PSD3: variants seen among roughly 807,000 people sequenced by gnomAD.
PSD3 encodes pleckstrin and Sec7 domain containing 3.
Under a neutral mutation model 105.5 loss-of-function variants are expected in PSD3, and 49 were observed. The ratio of observed to expected loss-of-function variants is 0.46; its 90% CI spans 0.37 to 0.59. The LOEUF (loss-of-function observed/expected upper bound fraction) is 0.59. Among genes scored for constraint, PSD3 ranks in the 20% least tolerant of loss-of-function variants. The pLI, the probability that PSD3 is intolerant of heterozygous loss-of-function variation, is 0.00. For missense variants in PSD3, 1,561 were observed against 1,263.8 expected, an observed-to-expected ratio of 1.24 and a Z score of -3.57; for synonymous variants, 557 against 457.8, an observed-to-expected ratio of 1.22 and a Z score of -2.77.
At chr8:18,636,287 G>T (rs1172693979) in intron 10 of PSD3, among the ~76,000 whole-genome samples, 1 of 151,720 alleles carries the variant, frequency 6.6e-6, no homozygotes, top group Non-Finnish European at 1.5e-5. Flanking sequence ...TAACAAAAAA[G>T]TTTTTAAAAG....
intron 1 of PSD3, among the ~76,000 whole-genome samples, chr8:19,078,740 T>G (rs17127791): frequency 6.6e-6 from 1 of 151,390 alleles, no homozygotes; most frequent in African/African-American, 2.4e-5. Flanking sequence ...GATGCAGGCC[T>G]AAGAGAATTC....
chr8:18,677,465 A>G (rs1385710927), intron 9 of PSD3, among the ~76,000 whole-genome samples: 1 of 152,176 alleles, frequency 6.6e-6, no homozygotes, highest in Non-Finnish European at 1.5e-5. Context: ...GAATTGCCTG[A>G]ACCCAGGAGG....
At chr8:18,802,014 T>C (rs1016098176) in intron 6 of PSD3, among the ~76,000 whole-genome samples, 2 of 152,128 alleles carry the variant, frequency 1.3e-5, no homozygotes, top group East Asian at 1.9e-4. Context: ...ATAAAGGCTA[T>C]GTTTTAAAAC....
At chr8:18,718,345 G>C (rs553555530) in intron 9 of PSD3, among the ~76,000 whole-genome samples, 1 of 152,164 alleles carries the variant, frequency 6.6e-6, no homozygotes, top group South Asian at 2.1e-4. Flanking sequence ...TTCCCCATAG[G>C]GAATTATAAA....
At chr8:18,777,937 T>C (rs1173597405) in intron 8 of PSD3, among the ~76,000 whole-genome samples, 1 of 152,202 alleles carries the variant, frequency 6.6e-6, no homozygotes, top group Non-Finnish European at 1.5e-5. Context: ...CTCAATATAA[T>C]GAAATGTAAT....
intron 9 of PSD3, among the ~76,000 whole-genome samples, chr8:18,738,166 A>G (rs1204930030): frequency 6.6e-6 from 1 of 152,166 alleles, no homozygotes; most frequent in Non-Finnish European, 1.5e-5. Flanking sequence ...TCTACATCAC[A>G]AACTGTTACC....
At chr8:18,915,365 G>A (rs1820516840) in intron 2 of PSD3, among the ~76,000 whole-genome samples, 2 of 152,192 alleles carry the variant, frequency 1.3e-5, no homozygotes, top group South Asian at 4.2e-4. Context: ...AAACTAAAAA[G>A]CTAACACACA....
chr8:18,806,950 T>C (rs1188255445), intron 4 of PSD3, among the ~76,000 whole-genome samples: 1 of 152,210 alleles, frequency 6.6e-6, no homozygotes, highest in Non-Finnish European at 1.5e-5. Flanking sequence ...GAAAGCATCC[T>C]TAAGACAGTG....
chr8:18,707,439 T>A (rs1801969251), intron 9 of PSD3, among the ~76,000 whole-genome samples: 1 of 152,224 alleles, frequency 6.6e-6, no homozygotes, highest in Admixed American at 6.5e-5. Context: ...GGGCTTATCC[T>A]ACTTATCTTG....
chr8:18,568,359 A>C (rs1454303304), intron 14 of PSD3, among the ~76,000 whole-genome samples: 1 of 152,160 alleles, frequency 6.6e-6, no homozygotes, highest in Non-Finnish European at 1.5e-5. Context: ...TTGCTTATCA[A>C]GTGCCTTAGT....
At chr8:19,031,099 C>A (rs963841011) in intron 1 of PSD3, among the ~76,000 whole-genome samples, 2 of 152,184 alleles carry the variant, frequency 1.3e-5, no homozygotes, top group East Asian at 1.9e-4. Context: ...CCACTTCATG[C>A]CTAGCACCTA....
At chr8:18,765,315 T>G (rs536026997) in intron 9 of PSD3, 134 bp downstream of exon 9, 13 of 736,734 alleles carry the variant, frequency 1.8e-5, no homozygotes, top group Non-Finnish European at 3.0e-5. Flanking sequence ...GGACAAGGCT[T>G]AAAAGAAACA....
At chr8:18,936,487 G>T (rs1225794082) in intron 1 of PSD3, among the ~76,000 whole-genome samples, 3 of 152,142 alleles carry the variant, frequency 2.0e-5, no homozygotes, top group Non-Finnish European at 4.4e-5. Flanking sequence ...ATTTTGGCTG[G>T]ACGCGGTAGC....
At chr8:19,004,945 T>C in intron 1 of PSD3, among the ~76,000 whole-genome samples, 1 of 152,062 alleles carries the variant, frequency 6.6e-6, no homozygotes, top group Admixed American at 6.6e-5. Context: ...TCCCCAGCCA[T>C]GTGGAACTGT....
chr8:18,639,512 T>C (rs964375031), intron 10 of PSD3, among the ~76,000 whole-genome samples: 18 of 152,134 alleles, frequency 1.2e-4, no homozygotes, highest in South Asian at 4.2e-4. Context: ...TATGACCTTG[T>C]TTGGAAATAA....
chr8:18,580,504 C>A (rs28493859), intron 12 of PSD3, among the ~76,000 whole-genome samples: 3,207 of 152,038 alleles, frequency 0.021, 125 homozygotes, highest in African/African-American at 0.074. Context: ...GAACTGTGAT[C>A]GCACCACTGT....
chr8:18,795,033 G>C lies in PSD3; in HGVS notation c.2082+4262C>G, dbSNP rs192341807. On this transcript the variant is annotated intron_variant, in intron 8 of 15. Coordinates refer to ENST00000327040, the MANE Select transcript of PSD3 (RefSeq NM_015310.4). Reference sequence around the variant, plus strand: ...CCTAGAAAGCCAATGCAATAATTAAGTTTATAGATTAGAAAAGAAATAATG... The same window carrying C: ...CCTAGAAAGCCAATGCAATAATTAACTTTATAGATTAGAAAAGAAATAATG... 2.3e-3 allele frequency among the ~76,000 whole-genome samples: 353 copies of C among 152,248 alleles called. 1 individual carries two copies. Among genetic ancestry groups the C allele is most frequent in the African/African-American group, 8.4e-3 (348 of 41,544 alleles).
chr8:18,760,097 G>T (rs1349127608), intron 9 of PSD3, among the ~76,000 whole-genome samples: 1 of 151,744 alleles, frequency 6.6e-6, no homozygotes, highest in African/African-American at 2.4e-5. Context: ...TGAACATTAA[G>T]ATAGAGGAAC....
chr8:18,549,488 C>T (rs1028373616), intron 15 of PSD3, among the ~76,000 whole-genome samples: 2 of 152,214 alleles, frequency 1.3e-5, no homozygotes, highest in Non-Finnish European at 2.9e-5. Flanking sequence ...GATTACCAGG[C>T]ATGAGCCACC....
Sources: gnomAD v4.1 joint callset for allele counts (sites outside exome capture counted in the v4.1 genomes callset) on GRCh38, gnomAD v4.1.1 for gene constraint, MANE v1.5 for transcripts, NCBI Gene and HGNC (gene_info 2026-07-23, HGNC 2026-07-21) for gene names.